TMTC1: variants seen among roughly 807,000 people sequenced by gnomAD.
TMTC1 encodes the protein protein O-mannosyl-transferase TMTC1.
In TMTC1, 73 loss-of-function variants were observed where a neutral mutation model predicts 104.8. The ratio of observed to expected loss-of-function variants is 0.70; its 90% CI spans 0.58 to 0.85. The LOEUF (loss-of-function observed/expected upper bound fraction) is 0.85. Among genes scored for constraint, TMTC1 ranks in the 40% least tolerant of loss-of-function variants. The probability of loss-of-function intolerance (pLI) is 0.00; values close to 1 mark genes in which losing one functional copy is unlikely to be tolerated. For missense variants in TMTC1, 1,035 were observed against 1,096.1 expected (o/e 0.94, Z 0.79); for synonymous variants, 434 against 428.7 (o/e 1.01, Z -0.15).
intron 11 of TMTC1, among the ~76,000 whole-genome samples, chr12:29,529,507 G>A (rs896764765): frequency 6.6e-6 from 1 of 152,094 alleles, no homozygotes; most frequent in Admixed American, 6.6e-5. Context: ...GTAATACATT[G>A]TAATATTGTA....
chr12:29,611,522 G>A (rs1331309555), intron 6 of TMTC1, among the ~76,000 whole-genome samples: 1 of 152,160 alleles, frequency 6.6e-6, no homozygotes, highest in African/African-American at 2.4e-5. Context: ...CTAGTGAGGA[G>A]ATAAGGTAAT....
intron 5 of TMTC1, among the ~76,000 whole-genome samples, chr12:29,658,188 G>A: frequency 6.6e-6 from 1 of 151,930 alleles, no homozygotes; most frequent in East Asian, 1.9e-4. Flanking sequence ...ATGCCCCATA[G>A]ATCAAGATTT....
rs566085485 is a variant in TMTC1, at chr12:29,532,722, C to T, written c.1785+3487G>A. 2.6e-4 allele frequency: 40 copies of T among 151,890 alleles called. No individual in the cohort carries two copies. In the South Asian group the frequency reaches 2.7e-3, roughly 10 times the overall value. 9.4% of individuals were successfully genotyped at this position (151,890 alleles called of 1,614,324 possible). A position where few individuals can be genotyped will look rare whatever the true frequency, so the allele number is the denominator to read the frequency against. Reference sequence around the variant, plus strand: ...TTATATTATGAATAAAGGATGTATACGTTATTTTCTCTGAGTTTTCACAGT... The same window carrying T: ...TTATATTATGAATAAAGGATGTATATGTTATTTTCTCTGAGTTTTCACAGT... On this transcript the variant is annotated intron_variant, in intron 11 of 17. Transcript: ENST00000539277.
intron 5 of TMTC1, among the ~76,000 whole-genome samples, chr12:29,665,763 AC>A (rs1028680857): frequency 6.6e-6 from 1 of 151,844 alleles, no homozygotes; most frequent in Non-Finnish European, 1.5e-5. Context: ...TTAGCCAGAA[AC>A]CCCCACCATC....
chr12:29,611,757 T>C (rs1393173493), intron 6 of TMTC1, among the ~76,000 whole-genome samples: 1 of 152,168 alleles, frequency 6.6e-6, no homozygotes, highest in African/African-American at 2.4e-5. Context: ...TCTTTGAAAG[T>C]CTGGTTTAAC....
At chr12:29,593,934 G>A (rs993248671) in intron 7 of TMTC1, among the ~76,000 whole-genome samples, 1 of 152,206 alleles carries the variant, frequency 6.6e-6, no homozygotes, top group African/African-American at 2.4e-5. Flanking sequence ...TTGAAGGTGT[G>A]AGAAACTGAC....
intron 11 of TMTC1, among the ~76,000 whole-genome samples, chr12:29,528,492 G>C (rs1944409997): frequency 6.6e-6 from 1 of 152,118 alleles, no homozygotes; most frequent in African/African-American, 2.4e-5. Flanking sequence ...CCTTGGAAGA[G>C]AGATAAAACA....
At chr12:29,599,148 A>T (rs1304546424) in intron 7 of TMTC1, among the ~76,000 whole-genome samples, 1 of 152,236 alleles carries the variant, frequency 6.6e-6, no homozygotes, top group Non-Finnish European at 1.5e-5. Flanking sequence ...CTTCTGCTTC[A>T]TCCATTCTAA....
chr12:29,699,577 T>C (rs981447107), intron 5 of TMTC1, among the ~76,000 whole-genome samples: 3 of 151,700 alleles, frequency 2.0e-5, no homozygotes, highest in Non-Finnish European at 4.4e-5. Context: ...ACTTCCAGAA[T>C]TGTATTCAAA....
At chr12:29,664,227 AAAAATAAAAT>A (rs1555184184) in intron 5 of TMTC1, among the ~76,000 whole-genome samples, 2 of 151,214 alleles carry the variant, frequency 1.3e-5, no homozygotes, top group African/African-American at 4.8e-5. Flanking sequence ...AAAAAATAAA[AAAAATAAAAT>A]AAAATAAAAT....
intron 5 of TMTC1, among the ~76,000 whole-genome samples, chr12:29,677,135 C>T (rs10843478): frequency 0.29 from 43,351 of 152,054 alleles, 6,245 homozygotes; most frequent in East Asian, 0.34. Context: ...TAAATAAATT[C>T]ACTGGCCTCT....
intron 8 of TMTC1, among the ~76,000 whole-genome samples, chr12:29,573,462 T>C (rs1400366186): frequency 6.6e-6 from 1 of 152,156 alleles, no homozygotes; most frequent in Non-Finnish European, 1.5e-5. Context: ...GTGCTGGGGA[T>C]ACAATATGGT....
chr12:29,600,033 G>C (rs1417975273), intron 7 of TMTC1, among the ~76,000 whole-genome samples: 4 of 125,230 alleles, frequency 3.2e-5, no homozygotes, highest in African/African-American at 3.2e-5. Flanking sequence ...TCCCTCAAAA[G>C]AGCCTGGATA....
chr12:29,738,297 G>T (rs1942734960), intron 5 of TMTC1, among the ~76,000 whole-genome samples: 1 of 152,146 alleles, frequency 6.6e-6, no homozygotes, highest in African/African-American at 2.4e-5. Flanking sequence ...TGTAAACAAG[G>T]AAGGAAATTC....
intron 5 of TMTC1, among the ~76,000 whole-genome samples, chr12:29,719,034 C>T (rs941201734): frequency 2.7e-5 from 4 of 149,980 alleles, no homozygotes; most frequent in Non-Finnish European, 4.5e-5. Flanking sequence ...AAATAATAAA[C>T]AAGCCACATT....
At chr12:29,753,226 G>T (rs892885088) in intron 4 of TMTC1, among the ~76,000 whole-genome samples, 9 of 152,184 alleles carry the variant, frequency 5.9e-5, no homozygotes, top group Admixed American at 5.9e-4. Context: ...TAGACCCCTA[G>T]GTGCTTGTGT....
intron 5 of TMTC1, among the ~76,000 whole-genome samples, chr12:29,719,275 G>A (rs1267555786): frequency 1.3e-5 from 2 of 152,046 alleles, no homozygotes; most frequent in South Asian, 2.1e-4. Context: ...TTGTTCACTC[G>A]TGCATTTTTA....
intron 9 of TMTC1, chr12:29,569,060 A>G: frequency 8.9e-6 from 4 of 448,280 alleles, no homozygotes; most frequent in Non-Finnish European, 1.3e-5. Flanking sequence ...TGAGGATTTA[A>G]GAAAAGGGTT....
At chr12:29,509,777 A>G (rs1943784059) in intron 17 of TMTC1, among the ~76,000 whole-genome samples, 1 of 152,208 alleles carries the variant, frequency 6.6e-6, no homozygotes, top group African/African-American at 2.4e-5. Context: ...ACTAATTTTT[A>G]CTCAGCACTA....
Sources: gnomAD v4.1 joint callset for allele counts (sites outside exome capture counted in the v4.1 genomes callset) on GRCh38, gnomAD v4.1.1 for gene constraint, MANE v1.5 for transcripts, NCBI Gene and HGNC (gene_info 2026-07-23, HGNC 2026-07-21) for gene names.